CCDC192: variants seen among roughly 807,000 people sequenced by gnomAD.
The protein encoded by CCDC192 is coiled-coil domain containing 192.
chr5:127,800,981 C>T (rs567139534), intron 5 of CCDC192, among the ~76,000 whole-genome samples: 1 of 152,170 alleles, frequency 6.6e-6, no homozygotes, highest in African/African-American at 2.4e-5. Context: ...CCCCACAACC[C>T]CACTCCCCGT....
At chr5:127,868,673 C>A (rs977793846) in intron 5 of CCDC192, among the ~76,000 whole-genome samples, 1 of 152,068 alleles carries the variant, frequency 6.6e-6, no homozygotes, top group African/African-American at 2.4e-5. Context: ...CACTTGAGGT[C>A]AGAAGTTCGA....
chr5:127,714,285 T>C (rs1751497415), intron 2 of CCDC192, among the ~76,000 whole-genome samples: 1 of 152,238 alleles, frequency 6.6e-6, no homozygotes, highest in Non-Finnish European at 1.5e-5. Context: ...CTATTGTGAA[T>C]AGTGCTGCAA....
chr5:127,779,602 A>G (rs1026256221), intron 3 of CCDC192, among the ~76,000 whole-genome samples: 6 of 152,236 alleles, frequency 3.9e-5, no homozygotes, highest in Admixed American at 2.0e-4. Flanking sequence ...GCCTGGATCT[A>G]TGTAAAATTA....
At chr5:127,727,020 G>T (rs1054017776) in intron 2 of CCDC192, among the ~76,000 whole-genome samples, 1 of 152,178 alleles carries the variant, frequency 6.6e-6, no homozygotes, top group African/African-American at 2.4e-5. Context: ...GTGCCCCTCT[G>T]GGACAGAGCT....
At chr5:127,721,940 G>T (rs1752051537) in intron 2 of CCDC192, among the ~76,000 whole-genome samples, 1 of 152,136 alleles carries the variant, frequency 6.6e-6, no homozygotes, top group African/African-American at 2.4e-5. Context: ...AAGCCCCAAT[G>T]ATCCAATCAC....
At chr5:127,774,728 G>C (rs73345042) in intron 3 of CCDC192, among the ~76,000 whole-genome samples, 361 of 152,242 alleles carry the variant, frequency 2.4e-3, no homozygotes, top group African/African-American at 8.2e-3. Context: ...ACCATAGGCT[G>C]TTCTGGATCC....
intron 1 of CCDC192, among the ~76,000 whole-genome samples, chr5:127,707,466 C>A (rs1327339452): frequency 6.6e-6 from 1 of 151,430 alleles, no homozygotes; most frequent in Non-Finnish European, 1.5e-5. Context: ...TTGTACTGTT[C>A]AGACTACTTA....
chr5:127,918,495 T>C (rs1408319305), intron 6 of CCDC192, among the ~76,000 whole-genome samples: 2 of 152,268 alleles, frequency 1.3e-5, no homozygotes, highest in African/African-American at 4.8e-5. Context: ...AGGCCTAACT[T>C]AGAGGCTTGT....
At chr5:127,884,888 G>GTC (rs1461005459) in intron 6 of CCDC192, among the ~76,000 whole-genome samples, 5 of 151,996 alleles carry the variant, frequency 3.3e-5, no homozygotes, top group Admixed American at 2.0e-4. Context: ...TTTGCGAGAG[G>GTC]TCTGGAAATC....
chr5:127,836,707 G>C lies in CCDC192; in HGVS notation c.411+38545G>C, dbSNP rs1580730416. 3.1e-4 allele frequency among the ~76,000 whole-genome samples: 6 copies of C among 19,124 alleles called. 3 individuals are homozygous for C. Among genetic ancestry groups the C allele is most frequent in the African/African-American group, 9.0e-4 (6 of 6,700 alleles). 12.5% of individuals were successfully genotyped at this position (19,124 alleles called of 152,430 possible). On this transcript the variant is annotated intron_variant, in intron 5 of 6. Transcript: ENST00000514853. ...ACCCACTGAAGCAATGGCCTTAGCT[G>C]TATGTTGGCCCCTTTTAGCTACTTT...
chr5:127,744,093 C>CAAA (rs35375542), intron 2 of CCDC192, among the ~76,000 whole-genome samples: 3 of 50,032 alleles, frequency 6.0e-5, no homozygotes, highest in Non-Finnish European at 8.4e-5. Flanking sequence ...GACTCCGTCT[C>CAAA]AAAAAAAAAA....
intron 5 of CCDC192, among the ~76,000 whole-genome samples, chr5:127,813,436 T>C (rs986385107): frequency 6.8e-4 from 104 of 152,312 alleles, no homozygotes; most frequent in African/African-American, 2.4e-3. Context: ...AGCTTTAAAT[T>C]TTATTTAAAA....
chr5:127,733,207 C>T (rs1389657767), intron 2 of CCDC192, among the ~76,000 whole-genome samples: 1 of 152,232 alleles, frequency 6.6e-6, no homozygotes, highest in East Asian at 1.9e-4. Context: ...TCACATAAAG[C>T]CAAGAGTTTC....
intron 4 of CCDC192, among the ~76,000 whole-genome samples, chr5:127,797,667 A>C (rs1757231881): frequency 6.7e-6 from 1 of 148,978 alleles, no homozygotes; most frequent in African/African-American, 2.5e-5. Flanking sequence ...CATTATGTAA[A>C]TTTACCTCTT....
chr5:127,801,207 G>A (rs1328951740), intron 5 of CCDC192, among the ~76,000 whole-genome samples: 1 of 152,100 alleles, frequency 6.6e-6, no homozygotes, highest in Non-Finnish European at 1.5e-5. Flanking sequence ...ATGGGGTGAG[G>A]GTTCTTCTGG....
At chr5:127,866,873 C>T (rs753982195) in intron 5 of CCDC192, among the ~76,000 whole-genome samples, 39 of 152,206 alleles carry the variant, frequency 2.6e-4, no homozygotes, top group Middle Eastern at 3.4e-3. Flanking sequence ...CACAGAAAAC[C>T]TCCCACTTGG....
chr5:127,920,992 G>A (rs1753696593), intron 6 of CCDC192, among the ~76,000 whole-genome samples: 1 of 151,696 alleles, frequency 6.6e-6, no homozygotes, highest in Non-Finnish European at 1.5e-5. Context: ...AGTCATGCTT[G>A]TACCACTACA....
At position 127,754,376 on chromosome 5, in the gene CCDC192, G is replaced by A. The variant is rs1223786949; in HGVS notation, c.222+1G>A. On this transcript the variant is annotated splice_donor_variant, in intron 3 of 6. Transcript: ENST00000514853. LOFTEE classifies it high-confidence loss of function. ...AAAGGCTAAAGCTTTATCTGAACAG[G>A]TAACACCTGTCATGGGAACTGGAAA... 2.5e-6 allele frequency: 1 copy of A among 398,486 alleles called. No individual in the cohort carries two copies. Among genetic ancestry groups the A allele is most frequent in the African/African-American group, 2.1e-5 (1 of 48,538 alleles). 24.7% of individuals were successfully genotyped at this position (398,486 alleles called of 1,614,324 possible). A position where few individuals can be genotyped will look rare whatever the true frequency, so the allele number is the denominator to read the frequency against.
intron 5 of CCDC192, among the ~76,000 whole-genome samples, chr5:127,869,509 A>G (rs1465555665): frequency 6.6e-6 from 1 of 152,132 alleles, no homozygotes; most frequent in Non-Finnish European, 1.5e-5. Flanking sequence ...TTTTTGGACA[A>G]CTCTACTATT....
Sources: allele counts gnomAD v4.1 joint callset (sites outside exome capture counted in the v4.1 genomes callset), GRCh38; gene constraint gnomAD v4.1.1; transcripts MANE v1.5; gene names NCBI Gene and HGNC (gene_info 2026-07-23, HGNC 2026-07-21).